The following CDH10 variants were observed in gnomAD, a reference collection of about 807,000 sequenced individuals.
The protein encoded by CDH10 is cadherin-10.
In CDH10, 30 loss-of-function variants were observed where a neutral mutation model predicts 73.1. The ratio of observed to expected loss-of-function variants is 0.41; its 90% CI spans 0.31 to 0.56. The LOEUF is 0.56. CDH10 is among the 20% of genes least tolerant of loss of function. CDH10 has a pLI of 0.27. For missense variants in CDH10, 815 were observed against 973.7 expected (o/e 0.84, Z 2.17); for synonymous variants, 345 against 348.2 (o/e 0.99, Z 0.10).
At chr5:24,516,247 G>C (rs965710803) in intron 5 of CDH10, among the ~76,000 whole-genome samples, 1 of 150,228 alleles carries the variant, frequency 6.7e-6, no homozygotes, top group South Asian at 2.2e-4. Flanking sequence ...GGGAGTATCC[G>C]ATGTCAATAT....
At chr5:24,522,786 C>T (rs1242739919) in intron 5 of CDH10, among the ~76,000 whole-genome samples, 1 of 152,088 alleles carries the variant, frequency 6.6e-6, no homozygotes, top group African/African-American at 2.4e-5. Context: ...AAATGTCTGC[C>T]TTTTTTCTCT....
chr5:24,613,843 A>G (rs951797710), intron 1 of CDH10, among the ~76,000 whole-genome samples: 8 of 152,162 alleles, frequency 5.3e-5, no homozygotes, highest in Non-Finnish European at 1.2e-4. Flanking sequence ...CACCTTCTAT[A>G]TTTCTATTTA....
At chr5:24,524,742 G>A (rs1320024824) in intron 5 of CDH10, among the ~76,000 whole-genome samples, 3 of 152,000 alleles carry the variant, frequency 2.0e-5, no homozygotes, top group Admixed American at 6.6e-5. Flanking sequence ...AAATAAAGTC[G>A]TATTGAAAAA....
At chr5:24,501,124 T>C (rs939284376) in intron 8 of CDH10, among the ~76,000 whole-genome samples, 1 of 152,170 alleles carries the variant, frequency 6.6e-6, no homozygotes, top group Admixed American at 6.5e-5. Flanking sequence ...TGAGTGGACA[T>C]AAGCAAAATA....
intron 2 of CDH10, among the ~76,000 whole-genome samples, chr5:24,579,301 T>C (rs915222863): frequency 6.6e-6 from 1 of 151,652 alleles, no homozygotes; most frequent in African/African-American, 2.4e-5. Context: ...TTCGATATTG[T>C]ATTAGATTCT....
chr5:24,558,124 C>A (rs964564649), intron 2 of CDH10, among the ~76,000 whole-genome samples: 2 of 151,682 alleles, frequency 1.3e-5, no homozygotes, highest in Non-Finnish European at 3.0e-5. Context: ...ACAAGGTTAA[C>A]CACAGATCAC....
At position 24,610,538 on chromosome 5, in the gene CDH10, T is replaced by C. The variant is rs180959834; in HGVS notation, c.-123-16925A>G. Among the ~76,000 whole-genome samples, 4 of 152,246 alleles carry C rather than the reference T, an allele frequency of 2.6e-5. No individual in the cohort carries two copies. In the East Asian group the frequency reaches 5.8e-4, roughly 22 times the overall value. ...AAATACACATGAATAAAACATTAGG[T>C]TTCCTCTGAATGGCAATGTTAAACT... is the stretch of plus-strand genomic sequence containing the variant. On this transcript the variant is annotated intron_variant, in intron 1 of 11. Coordinates refer to ENST00000264463, the MANE Select transcript of CDH10 (RefSeq NM_006727.5).
intron 11 of CDH10, among the ~76,000 whole-genome samples, chr5:24,488,927 A>G (rs756562577): frequency 2.0e-5 from 3 of 152,104 alleles, no homozygotes; most frequent in Non-Finnish European, 2.9e-5. Flanking sequence ...CTGCTCAAAA[A>G]GAACATTTTC....
intron 7 of CDH10, among the ~76,000 whole-genome samples, chr5:24,507,365 T>A (rs995889188): frequency 1.1e-4 from 17 of 148,322 alleles, no homozygotes; most frequent in Admixed American, 1.1e-3. Flanking sequence ...ATATTATACC[T>A]AAGAGTATTA....
chr5:24,634,976 A>C (rs1747820816), intron 1 of CDH10, among the ~76,000 whole-genome samples: 1 of 147,186 alleles, frequency 6.8e-6, no homozygotes, highest in Non-Finnish European at 1.5e-5. Flanking sequence ...GATGCTTTTT[A>C]AATTAACATA....
intron 1 of CDH10, among the ~76,000 whole-genome samples, chr5:24,596,996 C>A (rs887924742): frequency 6.6e-6 from 1 of 151,896 alleles, no homozygotes; most frequent in East Asian, 1.9e-4. Context: ...TATTAAACTA[C>A]CTCTCTGACT....
At chr5:24,621,827 T>TAC (rs57466382) in intron 1 of CDH10, among the ~76,000 whole-genome samples, 25,938 of 151,948 alleles carry the variant, frequency 0.17, 2,678 homozygotes, top group African/African-American at 0.29. Context: ...TACGTGTGTA[T>TAC]ACACACACAC....
chr5:24,501,535 T>C (rs960434200), intron 8 of CDH10, among the ~76,000 whole-genome samples: 1 of 152,158 alleles, frequency 6.6e-6, no homozygotes, highest in Non-Finnish European at 1.5e-5. Context: ...AGGGAAACAC[T>C]ACTATAGCAA....
Position 24,593,410 on chromosome 5 carries a change from T to C in CDH10, c.81A>G (p.Arg27=). 6.2e-7 allele frequency: 1 copy of C among 1,612,764 alleles called. No individual in the cohort carries two copies. Among genetic ancestry groups the C allele is most frequent in the Non-Finnish European group, 8.5e-7 (1 of 1,178,952 alleles). ...PHFCSPEIMF[R]RTPVPQQRIL... ...TTCTTTGCTGTGGCACAGGCGTCCT[T>C]CTGAACATTATTTCTGGAGAGCAGA... Residue 27 remains arginine, a synonymous_variant, in exon 2 of 12, where the codon AGA becomes AGG. Transcript: ENST00000264463.
intron 5 of CDH10, among the ~76,000 whole-genome samples, chr5:24,526,950 T>G (rs2111840225): frequency 6.6e-6 from 1 of 151,936 alleles, no homozygotes; most frequent in East Asian, 1.9e-4. Flanking sequence ...TTTTATCCCC[T>G]TTAACAACAA....
At chr5:24,548,908 A>C (rs1744442670) in intron 2 of CDH10, among the ~76,000 whole-genome samples, 1 of 152,152 alleles carries the variant, frequency 6.6e-6, no homozygotes, top group South Asian at 2.1e-4. Context: ...GATTTAGCAA[A>C]CAAGGCTGAA....
intron 2 of CDH10, among the ~76,000 whole-genome samples, chr5:24,556,693 A>T (rs1213515610): frequency 1.3e-5 from 2 of 151,696 alleles, no homozygotes; most frequent in Non-Finnish European, 1.5e-5. Flanking sequence ...ATGATTCTTA[A>T]AAACTTAATG....
Position 24,590,260 on chromosome 5 carries a change from G to A in CDH10, c.231+3000C>T, listed in dbSNP as rs141824749. On this transcript the variant is annotated intron_variant, in intron 2 of 11. Coordinates refer to ENST00000264463, the MANE Select transcript of CDH10 (RefSeq NM_006727.5). ...TAGCCAATGGGCTTTATTACTCTCC[G>A]TTCCCTTTCTCTCTCCTCCTCTTAA... is the stretch of plus-strand genomic sequence containing the variant. 6.5e-4 allele frequency among the ~76,000 whole-genome samples: 99 copies of A among 151,482 alleles called. 1 individual carries two copies. In the East Asian group the frequency reaches 0.015, roughly 22 times the overall value.
At chr5:24,490,036 A>AT (rs1418100847) in intron 11 of CDH10, among the ~76,000 whole-genome samples, 6 of 152,128 alleles carry the variant, frequency 3.9e-5, no homozygotes, top group East Asian at 3.8e-4. Flanking sequence ...CATGCCAGAC[A>AT]TTTTTTTGTC....
Sources: gnomAD v4.1 joint callset for allele counts (sites outside exome capture counted in the v4.1 genomes callset) on GRCh38, gnomAD v4.1.1 for gene constraint, MANE v1.5 for transcripts, NCBI Gene and HGNC (gene_info 2026-07-23, HGNC 2026-07-21) for gene names.